UBE2E2: variants seen among roughly 807,000 people sequenced by gnomAD.
UBE2E2 encodes the protein ubiquitin-conjugating enzyme E2 E2.
Under a neutral mutation model 24.7 loss-of-function variants are expected in UBE2E2, and 6 were observed. The ratio of observed to expected loss-of-function variants is 0.24; its 90% CI spans 0.13 to 0.48. The LOEUF is 0.48. UBE2E2 is among the 20% of genes least tolerant of loss of function. The pLI, the probability that UBE2E2 is intolerant of heterozygous loss-of-function variation, is 0.99. For missense variants in UBE2E2, 169 were observed against 245.0 expected (o/e 0.69, Z 2.07); for synonymous variants, 104 against 83.6 (o/e 1.24, Z -1.33).
chr3:23,284,080 A>G (rs1420822884), intron 3 of UBE2E2, among the ~76,000 whole-genome samples: 2 of 152,166 alleles, frequency 1.3e-5, no homozygotes, highest in Non-Finnish European at 2.9e-5. Context: ...GGTGCAGTCT[A>G]ACTTAATATT....
intron 3 of UBE2E2, among the ~76,000 whole-genome samples, chr3:23,221,575 T>A (rs1451145958): frequency 6.6e-6 from 1 of 152,202 alleles, no homozygotes; most frequent in African/African-American, 2.4e-5. Context: ...GTCTGGCTTT[T>A]AAAATTTTTT....
At chr3:23,221,137 G>C (rs1320238477) in intron 3 of UBE2E2, among the ~76,000 whole-genome samples, 1 of 152,114 alleles carries the variant, frequency 6.6e-6, no homozygotes, top group African/African-American at 2.4e-5. Context: ...TGATTTATTT[G>C]GATTTTGATT....
At chr3:23,564,773 C>T (rs144850070) in intron 5 of UBE2E2, among the ~76,000 whole-genome samples, 2,250 of 152,200 alleles carry the variant, frequency 0.015, 65 homozygotes, top group African/African-American at 0.051. Flanking sequence ...TTCTACAACT[C>T]ATGTTCTTGT....
At chr3:23,265,292 A>G (rs766012833) in intron 3 of UBE2E2, among the ~76,000 whole-genome samples, 6 of 152,126 alleles carry the variant, frequency 3.9e-5, no homozygotes, top group Non-Finnish European at 8.8e-5. Context: ...TGGCAAGTGG[A>G]TCATCTCTAC....
Position 23,475,503 on chromosome 3 carries a change from A to G in UBE2E2, c.228-24105A>G, listed in dbSNP as rs546616549. Among the ~76,000 whole-genome samples, 4 of 152,096 alleles carry G rather than the reference A, an allele frequency of 2.6e-5. No individual in the cohort carries two copies. The South Asian group carries it at 8.3e-4, about 32-fold the overall frequency. The stretch of plus-strand genomic sequence containing the variant: ...CCCTGTAACTGGTCTCATGTCCTCA[A>G]TCTCAGCTATATCCTCACTGCTATC... On this transcript the variant is annotated intron_variant, in intron 3 of 5. Transcript: ENST00000396703.
At chr3:23,520,993 T>C (rs1188447388) in intron 4 of UBE2E2, among the ~76,000 whole-genome samples, 1 of 152,192 alleles carries the variant, frequency 6.6e-6, no homozygotes, top group Non-Finnish European at 1.5e-5. Flanking sequence ...TACACTTTTG[T>C]AGGCTGTATG....
At chr3:23,440,690 A>G (rs547391034) in intron 3 of UBE2E2, among the ~76,000 whole-genome samples, 1 of 152,200 alleles carries the variant, frequency 6.6e-6, no homozygotes, top group Non-Finnish European at 1.5e-5. Flanking sequence ...AGTCTAGTTA[A>G]GTTGATTTGT....
At chr3:23,250,609 T>C (rs1292739047) in intron 3 of UBE2E2, among the ~76,000 whole-genome samples, 1 of 152,258 alleles carries the variant, frequency 6.6e-6, no homozygotes, top group African/African-American at 2.4e-5. Flanking sequence ...GCATTGTCTC[T>C]TATGATACTC....
At chr3:23,227,009 G>A (rs1696845021) in intron 3 of UBE2E2, among the ~76,000 whole-genome samples, 2 of 151,202 alleles carry the variant, frequency 1.3e-5, no homozygotes, top group African/African-American at 4.9e-5. Flanking sequence ...AATGGGAGAC[G>A]TTTTTGAACT....
chr3:23,297,745 G>T (rs576166374), intron 3 of UBE2E2, among the ~76,000 whole-genome samples: 2 of 152,190 alleles, frequency 1.3e-5, no homozygotes, highest in African/African-American at 2.4e-5. Flanking sequence ...TGTTCTTTTG[G>T]CTTAGGATTG....
At chr3:23,478,368 A>C (rs1315753305) in intron 3 of UBE2E2, among the ~76,000 whole-genome samples, 1 of 152,218 alleles carries the variant, frequency 6.6e-6, no homozygotes, top group Non-Finnish European at 1.5e-5. Context: ...AACTCTGAGA[A>C]AATGGCAACA....
chr3:23,526,629 T>G (rs1695005410), intron 4 of UBE2E2, among the ~76,000 whole-genome samples: 1 of 152,176 alleles, frequency 6.6e-6, no homozygotes, highest in African/African-American at 2.4e-5. Context: ...GGAGATTGCT[T>G]ACATTTCAAT....
chr3:23,404,339 T>C (rs1280148239), intron 3 of UBE2E2, among the ~76,000 whole-genome samples: 1 of 152,224 alleles, frequency 6.6e-6, no homozygotes, highest in Non-Finnish European at 1.5e-5. Flanking sequence ...CATGCTTAGC[T>C]GTTTAACATG....
chr3:23,351,166 C>G (rs1376635434), intron 3 of UBE2E2, among the ~76,000 whole-genome samples: 1 of 152,162 alleles, frequency 6.6e-6, no homozygotes, highest in Non-Finnish European at 1.5e-5. Context: ...AAATAAAATA[C>G]TTTACAGACA....
At chr3:23,231,305 C>T (rs1696968000) in intron 3 of UBE2E2, among the ~76,000 whole-genome samples, 1 of 152,136 alleles carries the variant, frequency 6.6e-6, no homozygotes, top group Non-Finnish European at 1.5e-5. Context: ...ATCAGTTCCA[C>T]ATCTTAGTTG....
intron 3 of UBE2E2, among the ~76,000 whole-genome samples, chr3:23,431,390 G>T (rs1169489962): frequency 2.0e-5 from 3 of 152,074 alleles, no homozygotes; most frequent in Non-Finnish European, 4.4e-5. Context: ...TCTGCAGCGG[G>T]AAAGCCACAG....
chr3:23,420,580 T>C (rs1411157128), intron 3 of UBE2E2, among the ~76,000 whole-genome samples: 1 of 152,234 alleles, frequency 6.6e-6, no homozygotes, highest in Non-Finnish European at 1.5e-5. Flanking sequence ...CTGTTTCTTG[T>C]ATCTGTACTG....
intron 3 of UBE2E2, among the ~76,000 whole-genome samples, chr3:23,485,423 A>G (rs1485911900): frequency 6.6e-6 from 1 of 152,074 alleles, no homozygotes; most frequent in Non-Finnish European, 1.5e-5. Flanking sequence ...TTGGCAATCA[A>G]TCAATATCTT....
chr3:23,259,725 T>C (rs1306953116), intron 3 of UBE2E2, among the ~76,000 whole-genome samples: 1 of 152,170 alleles, frequency 6.6e-6, no homozygotes, highest in East Asian at 1.9e-4. Flanking sequence ...ATTCAGCGTA[T>C]TGGAAGAGGT....
Sources: gnomAD v4.1 joint callset for allele counts (sites outside exome capture counted in the v4.1 genomes callset) on GRCh38, gnomAD v4.1.1 for gene constraint, MANE v1.5 for transcripts, NCBI Gene and HGNC (gene_info 2026-07-23, HGNC 2026-07-21) for gene names.